The following PDE1A variants were observed in gnomAD, a reference collection of about 807,000 sequenced individuals.
PDE1A encodes phosphodiesterase 1A, also known as dual specificity calcium/calmodulin-dependent 3',5'-cyclic nucleotide phosphodiesterase 1A.
PDE1A carries 35 observed loss-of-function variants against 61.7 expected under a neutral mutation model. That is an observed-to-expected ratio of 0.57 (90% CI 0.43 to 0.75). PDE1A has a LOEUF of 0.75. Among genes scored for constraint, PDE1A ranks in the 30% least tolerant of loss-of-function variants. The pLI is 0.00. For synonymous variants in PDE1A, 232 were observed against 213.2 expected (o/e 1.09, Z -0.77); for missense variants, 597 against 630.6 (o/e 0.95, Z 0.57).
the PDE1A span, among the ~76,000 whole-genome samples, chr2:182,687,289 G>A: frequency 5.3e-5 from 8 of 152,188 alleles, no homozygotes; most frequent in Non-Finnish European, 1.0e-4. Flanking sequence ...CCCCCAGTAG[G>A]GGCAGACTGA....
chr2:182,496,436 A>G (rs1026344854), intron 2 of PDE1A, among the ~76,000 whole-genome samples: 1 of 152,236 alleles, frequency 6.6e-6, no homozygotes, highest in Non-Finnish European at 1.5e-5. Flanking sequence ...AAAAATACTG[A>G]AAGTGACAAA....
the PDE1A span, among the ~76,000 whole-genome samples, chr2:182,665,581 G>A: frequency 2.0e-5 from 3 of 152,144 alleles, no homozygotes; most frequent in Non-Finnish European, 4.4e-5. Context: ...TGCTTGTGAG[G>A]CTGTGGAGAA....
At chr2:182,354,882 A>C (rs1355695463) in intron 1 of PDE1A, among the ~76,000 whole-genome samples, 1 of 152,096 alleles carries the variant, frequency 6.6e-6, no homozygotes, top group Non-Finnish European at 1.5e-5. Flanking sequence ...CTTTGGGGTA[A>C]GGGTACTTTT....
intron 1 of PDE1A, among the ~76,000 whole-genome samples, chr2:182,411,269 C>G (rs1186326495): frequency 6.6e-6 from 1 of 152,154 alleles, no homozygotes; most frequent in Non-Finnish European, 1.5e-5. Context: ...TGGAATCACA[C>G]AATATATTTT....
the PDE1A span, among the ~76,000 whole-genome samples, chr2:182,625,044 G>A: frequency 7.2e-5 from 11 of 152,188 alleles, no homozygotes; most frequent in South Asian, 2.1e-4. Flanking sequence ...AGATGAGATC[G>A]TGAGAATGGT....
At chr2:182,428,769 T>C (rs555705445), upstream of PDE1A, among the ~76,000 whole-genome samples, 2 of 152,272 alleles carry the variant, frequency 1.3e-5, no homozygotes, top group Admixed American at 6.5e-5. Context: ...ACCATTAATA[T>C]AGCATAAATC....
At chr2:182,431,835 A>G (rs181341141), upstream of PDE1A, among the ~76,000 whole-genome samples, 33 of 152,166 alleles carry the variant, frequency 2.2e-4, no homozygotes, top group Non-Finnish European at 1.5e-5. Flanking sequence ...TGGGAAAAAG[A>G]AGAAACAACT....
intron 2 of PDE1A, among the ~76,000 whole-genome samples, chr2:182,488,963 T>A (rs1448132697): frequency 6.6e-6 from 1 of 152,242 alleles, no homozygotes; most frequent in East Asian, 1.9e-4. Context: ...TGCTTTCTAA[T>A]GGGCATGGGC....
At chr2:182,284,695 G>A (rs1694041785) in intron 1 of PDE1A, among the ~76,000 whole-genome samples, 1 of 151,882 alleles carries the variant, frequency 6.6e-6, no homozygotes, top group African/African-American at 2.4e-5. Context: ...TAATAATAAG[G>A]ACATAATATA....
chr2:182,627,902 C>A, the PDE1A span, among the ~76,000 whole-genome samples: 3 of 150,674 alleles, frequency 2.0e-5, no homozygotes, highest in African/African-American at 7.3e-5. Context: ...TGAGATCATG[C>A]CACTGCACTC....
the PDE1A span, among the ~76,000 whole-genome samples, chr2:182,712,460 C>T: frequency 6.6e-6 from 1 of 152,124 alleles, no homozygotes; most frequent in Non-Finnish European, 1.5e-5. Flanking sequence ...TGGGAGACAA[C>T]GGGACAAGAA....
the PDE1A span, among the ~76,000 whole-genome samples, chr2:182,610,346 G>A: frequency 6.6e-6 from 1 of 152,046 alleles, no homozygotes; most frequent in Non-Finnish European, 1.5e-5. Flanking sequence ...CAGTTAATCT[G>A]CCTTTTGTGG....
chr2:182,301,666 A>C (rs1695252356), intron 1 of PDE1A, among the ~76,000 whole-genome samples: 1 of 152,238 alleles, frequency 6.6e-6, no homozygotes, highest in Non-Finnish European at 1.5e-5. Context: ...TCATAATCAT[A>C]ATGATGAGAA....
In PDE1A at chr2:182,279,719, T is replaced by C. The variant is rs374816317; in HGVS notation, c.54-15305A>G. On this transcript the variant is annotated intron_variant, in intron 1 of 13. Transcript: ENST00000351439. Reference sequence around the variant, plus strand: ...TTTACAAATACATATAGTTTTATAATGAAATAAAATATATTTAATTTCTCT... The same window carrying C: ...TTTACAAATACATATAGTTTTATAACGAAATAAAATATATTTAATTTCTCT... Among the ~76,000 whole-genome samples, 3 of 152,068 alleles carry C rather than the reference T, an allele frequency of 2.0e-5. No homozygotes were observed. The South Asian group carries it at 6.2e-4, about 31-fold the overall frequency.
chr2:182,554,136 G>T, the PDE1A span, among the ~76,000 whole-genome samples: 1 of 152,028 alleles, frequency 6.6e-6, no homozygotes, highest in East Asian at 1.9e-4. Context: ...GAGACACGAG[G>T]GCCTGAAGGA....
At position 182,443,245 on chromosome 2, in the gene PDE1A, C is replaced by T. The variant is rs141708710; in HGVS notation, c.101+79031G>A. 2.3e-4 allele frequency among the ~76,000 whole-genome samples: 35 copies of T among 151,512 alleles called. 2 individuals are homozygous for T. In the East Asian group the frequency reaches 6.4e-3, roughly 28 times the overall value. ...CCCTTAAGGATAAAACTCCCATTTG[C>T]TTAAAAATCTTTCAGTGGCTCCCAG... On this transcript the variant is annotated intron_variant, in intron 2 of 14. Coordinates refer to the PDE1A transcript ENST00000410103.
At chr2:182,363,044 C>A (rs1166079558) in intron 1 of PDE1A, among the ~76,000 whole-genome samples, 7 of 151,814 alleles carry the variant, frequency 4.6e-5, no homozygotes, top group Non-Finnish European at 7.4e-5. Context: ...GGAAATAACA[C>A]ACACTGGGGC....
intron 2 of PDE1A, among the ~76,000 whole-genome samples, chr2:182,435,504 C>T (rs1454579349): frequency 1.3e-5 from 2 of 151,996 alleles, no homozygotes; most frequent in Non-Finnish European, 2.9e-5. Context: ...ATGCGGCATT[C>T]GCCTGCAGTT....
chr2:182,186,481 AG>A lies in PDE1A; in HGVS notation c.1314del (p.Tyr439MetfsTer18). The A allele has an allele frequency of 6.2e-7, 1 of 1,612,462 alleles. No individual in the cohort carries two copies. The highest frequency in any genetic ancestry group is 8.5e-7 in the Non-Finnish European group (1 of 1,179,616). ...AAAATATCATACCTGCTTGCCACAT[AG>A]GAAGAAGTTTCGGCTTTTGAGGCTT... On this transcript the variant is annotated frameshift_variant, in exon 12 of 14. Transcript: ENST00000351439. LOFTEE classifies it high-confidence loss of function.
Sources: allele counts gnomAD v4.1 joint callset (sites outside exome capture counted in the v4.1 genomes callset), GRCh38; gene constraint gnomAD v4.1.1; transcripts MANE v1.5; gene names NCBI Gene and HGNC (gene_info 2026-07-23, HGNC 2026-07-21).